The following CEP70 variants were observed in gnomAD, a reference collection of about 807,000 sequenced individuals.
CEP70 encodes the protein centrosomal protein of 70 kDa.
Under a neutral mutation model 90.9 loss-of-function variants are expected in CEP70, and 70 were observed. The observed-to-expected ratio is 0.77, with a 90% CI of 0.64 to 0.94. CEP70 has a LOEUF of 0.94. Among genes scored for constraint, CEP70 ranks in the 40% least tolerant of loss-of-function variants. The pLI, the probability that CEP70 is intolerant of heterozygous loss-of-function variation, is 0.00. For synonymous variants in CEP70, 220 were observed against 228.3 expected (o/e 0.96, Z 0.33); for missense variants, 648 against 669.0 (o/e 0.97, Z 0.35).
chr3:138,521,544 T>G (rs1387766328), intron 11 of CEP70, among the ~76,000 whole-genome samples: 1 of 150,022 alleles, frequency 6.7e-6, no homozygotes, highest in Non-Finnish European at 1.5e-5. Flanking sequence ...CCGCCCCATC[T>G]GGGATGTGAG....
At chr3:138,556,147 T>C (rs1166402027) in intron 6 of CEP70, among the ~76,000 whole-genome samples, 1 of 152,194 alleles carries the variant, frequency 6.6e-6, no homozygotes, top group Non-Finnish European at 1.5e-5. Context: ...TAGACTATTA[T>C]TCTAAGTGAA....
In CEP70 at chr3:138,591,835, TC is replaced by T. The variant is rs1448150593; in HGVS notation, c.-6+18del. 2.6e-6 allele frequency: 4 copies of T among 1,531,496 alleles called. No homozygotes were observed. The highest frequency in any genetic ancestry group is 2.6e-6 in the Non-Finnish European group (3 of 1,143,402). 94.9% of individuals were successfully genotyped at this position (1,531,496 alleles called of 1,614,324 possible). A position where few individuals can be genotyped will look rare whatever the true frequency, so the allele number is the denominator to read the frequency against. On this transcript the variant is annotated intron_variant, in intron 2 of 17. Transcript: ENST00000264982. ...CATGGCCTCCCAACATCTGGAGTCA[TC>T]CGTTACATTAGACATACCTCAGTCA...
chr3:138,546,789 A>G (rs548338076), intron 6 of CEP70, among the ~76,000 whole-genome samples: 13 of 151,928 alleles, frequency 8.6e-5, no homozygotes, highest in African/African-American at 2.4e-4. Flanking sequence ...AAACACTATC[A>G]CCCTTATTAA....
At chr3:138,539,135 A>C (rs538926345) in intron 6 of CEP70, among the ~76,000 whole-genome samples, 4 of 152,116 alleles carry the variant, frequency 2.6e-5, no homozygotes, top group Admixed American at 1.3e-4. Flanking sequence ...GCCTCACCCG[A>C]GTTGCTAGGA....
In CEP70 at chr3:138,518,283, A is replaced by C. The variant is rs561708548; in HGVS notation, c.944+7207T>G. On this transcript the variant is annotated intron_variant, in intron 11 of 17. Coordinates refer to ENST00000264982, the MANE Select transcript of CEP70 (RefSeq NM_024491.4). ...AGGGCATAGCCAAACAAAAGGCAGC[A>C]GAATCCTCTGCAGACTTAAATGTCC... is the stretch of plus-strand genomic sequence containing the variant. 4.6e-5 allele frequency among the ~76,000 whole-genome samples: 7 copies of C among 152,350 alleles called. No individual in the cohort carries two copies. In the South Asian group the frequency reaches 1.4e-3, roughly 32 times the overall value.
intron 6 of CEP70, among the ~76,000 whole-genome samples, chr3:138,565,100 TA>T (rs1182064702): frequency 6.6e-6 from 1 of 152,204 alleles, no homozygotes; most frequent in Non-Finnish European, 1.5e-5. Flanking sequence ...TCACAATTGC[TA>T]CTAGGAGAAT....
At chr3:138,577,037 C>T (rs1393192101) in intron 2 of CEP70, among the ~76,000 whole-genome samples, 1 of 147,426 alleles carries the variant, frequency 6.8e-6, no homozygotes, top group African/African-American at 2.5e-5. Flanking sequence ...GAGTTCATGT[C>T]CTTTGTAGGG....
intron 11 of CEP70, among the ~76,000 whole-genome samples, chr3:138,516,753 T>C (rs924045724): frequency 6.6e-6 from 1 of 152,212 alleles, no homozygotes; most frequent in African/African-American, 2.4e-5. Flanking sequence ...GTGTTATGTG[T>C]TGCCATAGGA....
At chr3:138,534,240 T>G (rs2038078348) in intron 7 of CEP70, among the ~76,000 whole-genome samples, 1 of 152,232 alleles carries the variant, frequency 6.6e-6, no homozygotes. Context: ...TCTTCAGAAC[T>G]AATTCAGCCA....
intron 1 of CEP70, among the ~76,000 whole-genome samples, chr3:138,593,459 G>A (rs183176188): frequency 1.5e-3 from 228 of 152,262 alleles, no homozygotes; most frequent in African/African-American, 5.2e-3. Flanking sequence ...CTGACCTCAG[G>A]GGATCCGCCC....
chr3:138,511,605 T>G (rs1381524602), intron 11 of CEP70, among the ~76,000 whole-genome samples: 2 of 152,232 alleles, frequency 1.3e-5, no homozygotes, highest in African/African-American at 4.8e-5. Flanking sequence ...TTGCATGTAC[T>G]GATCAGTTAC....
intron 2 of CEP70, among the ~76,000 whole-genome samples, chr3:138,586,301 GCACATGC>G (rs1397261601): frequency 2.0e-5 from 3 of 152,120 alleles, no homozygotes; most frequent in African/African-American, 7.2e-5. Context: ...GGGATTATAG[GCACATGC>G]CACCACACTG....
intron 12 of CEP70, among the ~76,000 whole-genome samples, chr3:138,507,202 A>G (rs898377563): frequency 1.3e-5 from 2 of 152,334 alleles, no homozygotes; most frequent in South Asian, 4.1e-4. Context: ...AATACCTAGG[A>G]AATAACAAGG....
chr3:138,521,764 C>T (rs561429656), intron 11 of CEP70, among the ~76,000 whole-genome samples: 59 of 152,270 alleles, frequency 3.9e-4, no homozygotes, highest in Admixed American at 7.8e-4. Flanking sequence ...TCTGCCCGGC[C>T]GCCACCCTGT....
At chr3:138,532,899 AC>A (rs1440250368) in intron 7 of CEP70, among the ~76,000 whole-genome samples, 1 of 152,234 alleles carries the variant, frequency 6.6e-6, no homozygotes, top group African/African-American at 2.4e-5. Context: ...AAAGTTGTTC[AC>A]TGCACCATTA....
chr3:138,571,163 T>A lies in CEP70; in HGVS notation c.161-6A>T. 1 of 1,579,792 alleles carries A rather than the reference T, an allele frequency of 6.3e-7. No individual in the cohort carries two copies. The highest frequency in any genetic ancestry group is 8.6e-7 in the Non-Finnish European group (1 of 1,161,784). On this transcript the variant is annotated splice_region_variant and splice_polypyrimidine_tract_variant and intron_variant, in intron 4 of 17. Transcript: ENST00000264982. ...TTTGTCAAAAATGATGAGATCTACA[T>A]TTAAAAAGTATATAATACAGATAGT...
intron 6 of CEP70, among the ~76,000 whole-genome samples, chr3:138,552,537 C>A (rs1246871317): frequency 6.6e-6 from 1 of 152,036 alleles, no homozygotes; most frequent in African/African-American, 2.4e-5. Context: ...CAAAGCCATG[C>A]AAATACATGG....
At chr3:138,588,188 C>G (rs1270216950) in intron 2 of CEP70, among the ~76,000 whole-genome samples, 1 of 152,002 alleles carries the variant, frequency 6.6e-6, no homozygotes, top group Non-Finnish European at 1.5e-5. Context: ...TTGAGTTAGG[C>G]AAACATGTCT....
Position 138,525,546 on chromosome 3 carries a change from T to A in CEP70, c.888A>T (p.Leu296Phe). The change falls in exon 11 of 18, where the codon TTA (leucine) becomes TTT (phenylalanine). Residue 296 changes from leucine (L) to phenylalanine (F), a missense_variant. Coordinates refer to ENST00000264982, the MANE Select transcript of CEP70 (RefSeq NM_024491.4). Reference sequence around the variant, plus strand: ...TCTTCACCTGCTGTTTATAAAGTCTTAATTCATGCTGCGTAGGCCTGTGGA... The same window carrying A: ...TCTTCACCTGCTGTTTATAAAGTCTAAATTCATGCTGCGTAGGCCTGTGGA... Reference protein sequence around the residue: ...DLETRPTQHELRLYKQQVKKL... With the variant: ...DLETRPTQHEFRLYKQQVKKL... The A allele has an allele frequency of 7.1e-7, 1 of 1,412,762 alleles. No homozygotes were observed. Among genetic ancestry groups the A allele is most frequent in the Non-Finnish European group, 9.3e-7 (1 of 1,073,196 alleles). The allele number at this position is 1,412,762 out of a possible 1,614,324, so 87.5% of individuals were successfully genotyped here. A position where few individuals can be genotyped will look rare whatever the true frequency, so the allele number is the denominator to read the frequency against.
Sources: gnomAD v4.1 joint callset for allele counts (sites outside exome capture counted in the v4.1 genomes callset) on GRCh38, gnomAD v4.1.1 for gene constraint, MANE v1.5 for transcripts, NCBI Gene and HGNC (gene_info 2026-07-23, HGNC 2026-07-21) for gene names.